Variants in OAS1 observed in about 807,000 individuals in gnomAD.
OAS1 encodes 2'-5'-oligoadenylate synthetase 1, also known as 2'-5'-oligoadenylate synthase 1.
Under a neutral mutation model 38.5 loss-of-function variants are expected in OAS1, and 24 were observed. The ratio of observed to expected loss-of-function variants is 0.62; its 90% CI spans 0.45 to 0.88. OAS1 has a LOEUF of 0.88. Ranked by LOEUF, OAS1 falls within the 40% of genes least tolerant of loss-of-function variation. The pLI is 0.00. For missense variants in OAS1, 482 were observed against 493.9 expected (o/e 0.98, Z 0.23); for synonymous variants, 169 against 193.9 (o/e 0.87, Z 1.07).
At chr12:112,917,200 A>G (rs1324802179) in intron 4 of OAS1, among the ~76,000 whole-genome samples, 8 of 152,212 alleles carry the variant, frequency 5.3e-5, no homozygotes, top group Non-Finnish European at 1.2e-4. Flanking sequence ...GGCTTTTTCT[A>G]TCCTCACAGC....
At chr12:112,917,929 T>C in intron 5 of OAS1, 3 of 1,436,932 alleles carry the variant, frequency 2.1e-6, no homozygotes, top group Non-Finnish European at 2.7e-6. Context: ...AGAGTAATAA[T>C]AAATAATCTC....
intron 3 of OAS1, among the ~76,000 whole-genome samples, chr12:112,915,856 T>G (rs929307104): frequency 2.0e-5 from 3 of 152,188 alleles, no homozygotes; most frequent in Non-Finnish European, 2.9e-5. Context: ...CTGTGTTCGG[T>G]CTTTCAGCAT....
At position 112,907,488 on chromosome 12, in the gene OAS1, G is replaced by A. The variant is rs368816473; in HGVS notation, c.180+269G>A. 75 of 379,584 alleles carry A rather than the reference G, an allele frequency of 2.0e-4. 1 individual carries two copies. The South Asian group carries it at 2.2e-3, about 11-fold the overall frequency. The allele number at this position is 379,584 out of a possible 1,614,324, so 23.5% of individuals were successfully genotyped here. A position where few individuals can be genotyped will look rare whatever the true frequency, so the allele number is the denominator to read the frequency against. ...TGAAGTTTATGAACCACTGTCCTGG[G>A]CGATGCCCATTTCAGAAATAGGGAA... On this transcript the variant is annotated intron_variant, in intron 1 of 5. Transcript: ENST00000202917.
exon 7 of OAS1, chr12:112,932,138 C>T (rs888219491): frequency 8.0e-6 from 4 of 497,308 alleles, no homozygotes; most frequent in East Asian, 3.4e-5. Context: ...TGAACTCCCT[C>T]CCTCTCTTCC....
At chr12:112,928,911 G>A (rs149909122) in intron 6 of OAS1, among the ~76,000 whole-genome samples, 1 of 152,176 alleles carries the variant, frequency 6.6e-6, no homozygotes, top group Admixed American at 6.5e-5. Flanking sequence ...CTTGAGGATT[G>A]GGGGAGAGGG....
chr12:112,907,998 A>G (rs2043319643), intron 1 of OAS1, among the ~76,000 whole-genome samples: 1 of 152,198 alleles, frequency 6.6e-6, no homozygotes, highest in South Asian at 2.1e-4. Context: ...GTATATCTCT[A>G]GGCAAGCATA....
chr12:112,927,481 A>T (rs2043567089), intron 6 of OAS1, among the ~76,000 whole-genome samples: 1 of 152,152 alleles, frequency 6.6e-6, no homozygotes, highest in South Asian at 2.1e-4. Context: ...ATCCTATGAA[A>T]TTAAAGATCT....
intron 1 of OAS1, among the ~76,000 whole-genome samples, chr12:112,907,975 T>A (rs372105540): frequency 2.5e-4 from 38 of 152,356 alleles, no homozygotes; most frequent in South Asian, 2.3e-3. Context: ...TCCCTTACCT[T>A]ATGCAGCTGT....
intron 6 of OAS1, among the ~76,000 whole-genome samples, chr12:112,928,816 A>G (rs1382388002): frequency 1.3e-5 from 2 of 152,218 alleles, no homozygotes; most frequent in African/African-American, 2.4e-5. Flanking sequence ...ATGGCAAAGC[A>G]TGGATCCAGG....
At chr12:112,929,785 G>A (rs560257356) in intron 6 of OAS1, among the ~76,000 whole-genome samples, 1 of 152,282 alleles carries the variant, frequency 6.6e-6, no homozygotes, top group African/African-American at 2.4e-5. Context: ...AGGCAAGGGG[G>A]AGATAAGCAA....
intron 6 of OAS1, among the ~76,000 whole-genome samples, chr12:112,929,868 G>A (rs2043586882): frequency 1.3e-5 from 2 of 152,156 alleles, no homozygotes; most frequent in Non-Finnish European, 2.9e-5. Flanking sequence ...GCCTTGCCTT[G>A]CCTGTCCTTT....
rs758797261 is a variant in OAS1 at position 112,931,945 on chromosome 12, C to T, written c.*23C>T. 1.7e-5 allele frequency: 12 copies of T among 702,146 alleles called. No homozygotes were observed. In the South Asian group the frequency reaches 1.8e-4, roughly 10 times the overall value. 43.5% of individuals were successfully genotyped at this position (702,146 alleles called of 1,614,324 possible). ...TAGTGAACATGCGGTGAATTTGCAA[C>T]AGACAAGAGGAGCCTCATTATCCTA... On this transcript the variant is annotated 3_prime_UTR_variant, in exon 7 of 7. Transcript: ENST00000540589.
At chr12:112,908,960 A>G (rs943161449) in intron 2 of OAS1, 136 bp downstream of exon 2, 2 of 884,002 alleles carry the variant, frequency 2.3e-6, no homozygotes, top group Non-Finnish European at 3.4e-6. Context: ...GTCCCGGGGC[A>G]AGAATGAATA....
intron 3 of OAS1, among the ~76,000 whole-genome samples, chr12:112,913,500 C>G (rs1281544117): frequency 6.6e-6 from 1 of 152,124 alleles, no homozygotes; most frequent in Admixed American, 6.5e-5. Context: ...AGACCCTGCT[C>G]TATCTTTCAT....
At chr12:112,925,807 T>C (rs1008519675) in intron 6 of OAS1, among the ~76,000 whole-genome samples, 2 of 152,074 alleles carry the variant, frequency 1.3e-5, no homozygotes, top group Non-Finnish European at 2.9e-5. Flanking sequence ...AATAAATAAA[T>C]ACATAAATAA....
chr12:112,923,765 C>T (rs1237211665), downstream of OAS1, among the ~76,000 whole-genome samples: 1 of 152,090 alleles, frequency 6.6e-6, no homozygotes, highest in African/African-American at 2.4e-5. Context: ...GCTTTGCATA[C>T]GTGGCCACCT....
intron 3 of OAS1, among the ~76,000 whole-genome samples, chr12:112,911,703 G>C (rs550177608): frequency 6.6e-6 from 1 of 152,296 alleles, no homozygotes; most frequent in African/African-American, 2.4e-5. Flanking sequence ...TAACCTTTCT[G>C]TTCTTTCTGC....
intron 6 of OAS1, among the ~76,000 whole-genome samples, chr12:112,926,254 T>C (rs2043557298): frequency 6.6e-6 from 1 of 152,176 alleles, no homozygotes; most frequent in Non-Finnish European, 1.5e-5. Flanking sequence ...CCCAGCATGC[T>C]GCAATTACAG....
chr12:112,918,617 G>A (rs966986078), intron 5 of OAS1: 8 of 455,412 alleles, frequency 1.8e-5, no homozygotes, highest in Non-Finnish European at 3.1e-5. Context: ...GGCTCAGAGA[G>A]GTGAGGTCAC....
Sources: gnomAD v4.1 joint callset for allele counts (sites outside exome capture counted in the v4.1 genomes callset) on GRCh38, gnomAD v4.1.1 for gene constraint, MANE v1.5 for transcripts, NCBI Gene and HGNC (gene_info 2026-07-23, HGNC 2026-07-21) for gene names.